Variants in ADAMTSL1 observed in about 807,000 individuals in gnomAD.
The protein encoded by ADAMTSL1 is ADAMTS like 1.
In ADAMTSL1, 126 loss-of-function variants were observed where a neutral mutation model predicts 201.8. The observed-to-expected ratio is 0.62, with a 90% CI of 0.54 to 0.72. ADAMTSL1 has a LOEUF of 0.72. Ranked by LOEUF, ADAMTSL1 falls within the 30% of genes least tolerant of loss-of-function variation. The probability of loss-of-function intolerance (pLI) is 0.00; values close to 1 mark genes in which losing one functional copy is unlikely to be tolerated. For synonymous variants in ADAMTSL1, 1,121 were observed against 903.4 expected, an observed-to-expected ratio of 1.24 and a Z score of -4.32; for missense variants, 2,679 against 2,277.8, an observed-to-expected ratio of 1.18 and a Z score of -3.59.
chr9:18,706,925 G>A lies in ADAMTSL1; in HGVS notation c.1753G>A (p.Gly585Arg), dbSNP rs751201478. 27 of 1,613,814 alleles carry A rather than the reference G, an allele frequency of 1.7e-5. No individual in the cohort carries two copies. The highest frequency in any genetic ancestry group is 8.3e-5 in the Admixed American group (5 of 60,002). Reference protein sequence around the residue: ...QRACYAGPCSGEIPEFNPDET... With the variant: ...QRACYAGPCSREIPEFNPDET... ...TGCCTGTTATGCAGGCCCATGCAGC[G>A]GGGAAATTCCTGAGTTCAACCCAGA... The change falls in exon 14 of 29, where the codon GGG (glycine) becomes AGG (arginine). Residue 585 changes from glycine (G) to arginine (R), a missense_variant. By Grantham distance (125) the Gly-to-Arg change is moderately radical (BLOSUM62 -2). Coordinates refer to ENST00000380548, the MANE Select transcript of ADAMTSL1 (RefSeq NM_001040272.6).
At chr9:18,778,555 G>A (rs1821200754) in intron 19 of ADAMTSL1, among the ~76,000 whole-genome samples, 1 of 152,150 alleles carries the variant, frequency 6.6e-6, no homozygotes, top group Non-Finnish European at 1.5e-5. Context: ...AGAATCAATA[G>A]TGGTAGTAGA....
chr9:18,267,770 A>AC (rs1832180705), intron 2 of ADAMTSL1, among the ~76,000 whole-genome samples: 1 of 146,702 alleles, frequency 6.8e-6, no homozygotes, highest in South Asian at 2.2e-4. Flanking sequence ...ATTAAAAAAA[A>AC]AAAACAAAAA....
chr9:18,674,223 A>AC (rs1564139447), intron 9 of ADAMTSL1, among the ~76,000 whole-genome samples: 14,233 of 130,492 alleles, frequency 0.11, 845 homozygotes, highest in East Asian at 0.29. Context: ...CACACACACA[A>AC]ACACACACAT....
intron 2 of ADAMTSL1, among the ~76,000 whole-genome samples, chr9:18,455,853 A>C (rs1013036603): frequency 2.6e-5 from 4 of 151,278 alleles, no homozygotes; most frequent in Non-Finnish European, 1.5e-5. Context: ...GAAGGGGTTC[A>C]AGGATCTTAT....
chr9:18,712,461 T>G (rs997819474), intron 14 of ADAMTSL1, among the ~76,000 whole-genome samples: 1 of 151,552 alleles, frequency 6.6e-6, no homozygotes, highest in Non-Finnish European at 1.5e-5. Context: ...TGCAGAAGCC[T>G]CAGGAGCCGA....
At chr9:18,308,545 G>A (rs1444396851) in intron 2 of ADAMTSL1, among the ~76,000 whole-genome samples, 1 of 152,084 alleles carries the variant, frequency 6.6e-6, no homozygotes, top group African/African-American at 2.4e-5. Context: ...TACCATCAGA[G>A]AATACTACAA....
intron 1 of ADAMTSL1, among the ~76,000 whole-genome samples, chr9:18,107,234 A>T (rs981315042): frequency 6.6e-6 from 1 of 152,160 alleles, no homozygotes; most frequent in African/African-American, 2.4e-5. Flanking sequence ...AGGCTATGAT[A>T]CTTCTCATCT....
At chr9:18,705,794 G>C (rs989650151) in intron 13 of ADAMTSL1, among the ~76,000 whole-genome samples, 16 of 152,162 alleles carry the variant, frequency 1.1e-4, no homozygotes, top group African/African-American at 3.6e-4. Context: ...ATGAGAGCCA[G>C]ACTAAAAAAG....
chr9:17,960,283 C>T (rs912916095), intron 1 of ADAMTSL1, among the ~76,000 whole-genome samples: 1 of 152,174 alleles, frequency 6.6e-6, no homozygotes, highest in Non-Finnish European at 1.5e-5. Context: ...TGTCTGCTTG[C>T]ATCTTATTGA....
intron 7 of ADAMTSL1, among the ~76,000 whole-genome samples, chr9:18,652,889 C>G (rs1181644755): frequency 6.6e-6 from 1 of 152,148 alleles, no homozygotes; most frequent in Non-Finnish European, 1.5e-5. Flanking sequence ...TCTAGACAGT[C>G]TCCCCATTTC....
chr9:18,315,376 T>C (rs1834343650), intron 2 of ADAMTSL1, among the ~76,000 whole-genome samples: 2 of 151,754 alleles, frequency 1.3e-5, no homozygotes, highest in South Asian at 4.2e-4. Context: ...GCCAGGCGCC[T>C]GTACTCCTCA....
intron 26 of ADAMTSL1, among the ~76,000 whole-genome samples, chr9:18,901,711 C>T (rs1407638410): frequency 1.3e-5 from 2 of 151,980 alleles, no homozygotes; most frequent in African/African-American, 2.4e-5. Flanking sequence ...AAAAAAACAA[C>T]TAATCACAAA....
intron 2 of ADAMTSL1, among the ~76,000 whole-genome samples, chr9:18,286,149 G>A (rs775231241): frequency 1.3e-5 from 2 of 152,118 alleles, no homozygotes; most frequent in Non-Finnish European, 2.9e-5. Context: ...AATCAACCTT[G>A]TGGGCCAACC....
chr9:18,722,905 C>A, intron 15 of ADAMTSL1: 1 of 710,210 alleles, frequency 1.4e-6, no homozygotes, highest in South Asian at 1.5e-5. Flanking sequence ...ATCCCTGCCC[C>A]ACCTGGTTCC....
chr9:18,888,121 AAG>A, intron 24 of ADAMTSL1, 78 bp downstream of exon 24: 1 of 1,442,958 alleles, frequency 6.9e-7, no homozygotes, highest in Non-Finnish European at 9.4e-7. Context: ...TAGCAGAACA[AAG>A]AGATTTCTGA....
At chr9:18,600,186 T>C (rs1325831480) in intron 4 of ADAMTSL1, among the ~76,000 whole-genome samples, 2 of 152,116 alleles carry the variant, frequency 1.3e-5, no homozygotes, top group Non-Finnish European at 1.5e-5. Context: ...CCAAAGGCTA[T>C]ATAGGCTAGG....
chr9:17,963,871 G>T (rs1051885474), intron 1 of ADAMTSL1, among the ~76,000 whole-genome samples: 1 of 151,988 alleles, frequency 6.6e-6, no homozygotes, highest in Non-Finnish European at 1.5e-5. Context: ...TTTTAAAAAC[G>T]GAATCCTCAG....
intron 1 of ADAMTSL1, among the ~76,000 whole-genome samples, chr9:18,054,498 T>C (rs992572387): frequency 6.6e-6 from 1 of 152,228 alleles, no homozygotes; most frequent in Non-Finnish European, 1.5e-5. Flanking sequence ...TATAGGTCTG[T>C]ATGTGTGTTG....
chr9:18,316,112 G>A (rs1007359532), intron 2 of ADAMTSL1, among the ~76,000 whole-genome samples: 1 of 152,202 alleles, frequency 6.6e-6, no homozygotes, highest in African/African-American at 2.4e-5. Flanking sequence ...ATTTTCAAAA[G>A]GGGAGGGAAT....
Sources: allele counts gnomAD v4.1 joint callset (sites outside exome capture counted in the v4.1 genomes callset), GRCh38; gene constraint gnomAD v4.1.1; transcripts MANE v1.5; gene names NCBI Gene and HGNC (gene_info 2026-07-23, HGNC 2026-07-21).